The following FBXO31 variants were observed in gnomAD, a reference collection of about 807,000 sequenced individuals.
FBXO31 encodes the protein F-box protein 31, also known as F-box only protein 31.
Under a neutral mutation model 54.4 loss-of-function variants are expected in FBXO31, and 24 were observed. The observed-to-expected ratio is 0.44, with a 90% CI of 0.32 to 0.62. FBXO31 has a LOEUF of 0.62. FBXO31 is among the 20% of genes least tolerant of loss of function. The pLI, the probability that FBXO31 is intolerant of heterozygous loss-of-function variation, is 0.05. For synonymous variants in FBXO31, 388 were observed against 335.6 expected, an observed-to-expected ratio of 1.16 and a Z score of -1.71; for missense variants, 665 against 787.1, an observed-to-expected ratio of 0.84 and a Z score of 1.86.
At chr16:87,371,517 GCCAGGCAGGCCTGA>G (rs2150693128) in intron 1 of FBXO31, among the ~76,000 whole-genome samples, 1 of 152,378 alleles carries the variant, frequency 6.6e-6, no homozygotes, top group East Asian at 1.9e-4. Context: ...CTCCATTCAT[GCCAGGCAGGCCTGA>G]CGAGTCGTGG....
chr16:87,371,447 A>C (rs1567486011), intron 1 of FBXO31, among the ~76,000 whole-genome samples: 1 of 152,248 alleles, frequency 6.6e-6, no homozygotes, highest in Non-Finnish European at 1.5e-5. Flanking sequence ...CCCTTCTGTG[A>C]GTCTGACTCT....
At chr16:87,364,867 C>A (rs1333769002) in intron 1 of FBXO31, among the ~76,000 whole-genome samples, 1 of 150,482 alleles carries the variant, frequency 6.6e-6, no homozygotes, top group Non-Finnish European at 1.5e-5. Context: ...ACAAAGAATA[C>A]AATAATTAGC....
intron 1 of FBXO31, among the ~76,000 whole-genome samples, chr16:87,361,916 C>A (rs938072586): frequency 1.3e-5 from 2 of 152,244 alleles, no homozygotes; most frequent in African/African-American, 2.4e-5. Flanking sequence ...CCTGTGTCTC[C>A]TCTCAGTTGT....
chr16:87,372,389 A>T (rs114495999), intron 1 of FBXO31, among the ~76,000 whole-genome samples: 49 of 152,198 alleles, frequency 3.2e-4, no homozygotes, highest in African/African-American at 1.2e-3. Context: ...GGCTTTCCCC[A>T]CAGTGCTGAG....
rs139672294 is a variant in FBXO31, at chr16:87,345,383, G to A, written c.490-1618C>T. On this transcript the variant is annotated intron_variant, in intron 3 of 8. Coordinates refer to ENST00000311635, the MANE Select transcript of FBXO31 (RefSeq NM_024735.5). The surrounding 1 kb of genome is among the most constrained non-coding windows in gnomAD (Gnocchi z 4.9). ...AAGAGGGTGGGAGGGCGGACCGGAA[G>A]CCATGCAGACTCCATGCAGACACTG... 7.4e-3 allele frequency among the ~76,000 whole-genome samples: 1,131 copies of A among 152,022 alleles called. 19 individuals are homozygous for A. Among genetic ancestry groups the A allele is most frequent in the African/African-American group, 0.026 (1,066 of 41,438 alleles).
At chr16:87,363,252 T>C (rs9933972) in intron 1 of FBXO31, among the ~76,000 whole-genome samples, 75,053 of 151,860 alleles carry the variant, frequency 0.49, 20,334 homozygotes, top group East Asian at 1. Flanking sequence ...GGCATGGTGG[T>C]GCATGCCTGT....
At chr16:87,382,659 T>A (rs1486886974) in intron 1 of FBXO31, among the ~76,000 whole-genome samples, 1 of 152,180 alleles carries the variant, frequency 6.6e-6, no homozygotes, top group Non-Finnish European at 1.5e-5. Context: ...TGAGACCAAG[T>A]CGCACTCTGT....
In FBXO31 at chr16:87,371,868, C is replaced by T. The variant is rs376666657; in HGVS notation, c.341-11502G>A. 2.4e-4 allele frequency among the ~76,000 whole-genome samples: 37 copies of T among 152,190 alleles called. 1 individual carries two copies. The highest frequency in any genetic ancestry group is 6.8e-3 in the Middle Eastern group (2 of 292). ...GGGGAAACCTCGACTCAACACCTTC[C>T]GGGTGCCAGATTCACTTTTGTTTTT... On this transcript the variant is annotated intron_variant, in intron 1 of 8. Transcript: ENST00000311635.
At position 87,335,786 on chromosome 16, in the gene FBXO31, C is replaced by T. The variant is rs186336579; in HGVS notation, c.843-329G>A. Among the ~76,000 whole-genome samples, 1 of 152,254 alleles carries T rather than the reference C, an allele frequency of 6.6e-6. No individual in the cohort carries two copies. Among genetic ancestry groups the T allele is most frequent in the Non-Finnish European group, 1.5e-5 (1 of 67,990 alleles). On this transcript the variant is annotated intron_variant, in intron 6 of 8. Coordinates refer to ENST00000311635, the MANE Select transcript of FBXO31 (RefSeq NM_024735.5). This position sits in a 1 kb window ranked among gnomAD's most constrained non-coding sequence, Gnocchi z 5.7. Reference sequence around the variant, plus strand: ...GCCCAAGTCACCATGGAGGGGATCCCCGCACTGGGCTGAGCGGGGCTGAGC... The same window carrying T: ...GCCCAAGTCACCATGGAGGGGATCCTCGCACTGGGCTGAGCGGGGCTGAGC...
At chr16:87,371,854 G>A (rs1283890141) in intron 1 of FBXO31, among the ~76,000 whole-genome samples, 3 of 152,126 alleles carry the variant, frequency 2.0e-5, no homozygotes, top group Admixed American at 6.5e-5. Context: ...GGGAAACCTC[G>A]ACTCAACACC....
In FBXO31 at chr16:87,327,272, G is replaced by A. The variant is rs1235996050; in HGVS notation, c.*4016C>T. 6.6e-6 allele frequency: 1 copy of A among 152,662 alleles called. No homozygotes were observed. Among genetic ancestry groups the A allele is most frequent in the Admixed American group, 6.5e-5 (1 of 15,280 alleles). 9.5% of individuals were successfully genotyped at this position (152,662 alleles called of 1,614,324 possible). ...CCCTCGTGCTCTGGCTGGTCTCCCGGTCAGCAGCCCCTGAGGGCCGGCAGG... is the reference window on the plus strand; with the variant it reads ...CCCTCGTGCTCTGGCTGGTCTCCCGATCAGCAGCCCCTGAGGGCCGGCAGG... On this transcript the variant is annotated 3_prime_UTR_variant, in exon 9 of 9. Coordinates refer to ENST00000311635, the MANE Select transcript of FBXO31 (RefSeq NM_024735.5).
intron 2 of FBXO31, among the ~76,000 whole-genome samples, chr16:87,349,357 G>A (rs527767689): frequency 2.0e-5 from 3 of 152,304 alleles, no homozygotes; most frequent in African/African-American, 7.2e-5. Flanking sequence ...TGACACAACC[G>A]TGAAAGGCAG....
At position 87,358,967 on chromosome 16, in the gene FBXO31, G is replaced by C. The variant is rs536622020; in HGVS notation, c.412+1328C>G. On this transcript the variant is annotated intron_variant, in intron 2 of 8. Transcript: ENST00000311635. This position sits in a 1 kb window ranked among gnomAD's most constrained non-coding sequence, Gnocchi z 4.0. Reference sequence around the variant, plus strand: ...GCCAGCCTCGTCACAGGTCATCCAAGGTTGCCCAACTACACCACCCGTTTC... The same window carrying C: ...GCCAGCCTCGTCACAGGTCATCCAACGTTGCCCAACTACACCACCCGTTTC... 1.3e-4 allele frequency among the ~76,000 whole-genome samples: 20 copies of C among 152,298 alleles called. No individual in the cohort carries two copies. The highest frequency in any genetic ancestry group is 2.4e-4 in the Non-Finnish European group (16 of 68,032).
Position 87,383,772 on chromosome 16 carries a change from C to A in FBXO31, c.-28G>T. The A allele has an allele frequency of 1.7e-6, 2 of 1,184,044 alleles. No individual in the cohort carries two copies. Among genetic ancestry groups the A allele is most frequent in the Non-Finnish European group, 2.1e-6 (2 of 958,294 alleles). The allele number at this position is 1,184,044 out of a possible 1,614,324, so 73.3% of individuals were successfully genotyped here. ...CGCCCAGTGACGGCCACTGCTGCCGCCTGTGCGCACGCTCCAGCGCGGCCC... is the reference window on the plus strand; with the variant it reads ...CGCCCAGTGACGGCCACTGCTGCCGACTGTGCGCACGCTCCAGCGCGGCCC... On this transcript the variant is annotated 5_prime_UTR_variant, in exon 1 of 9. Coordinates refer to ENST00000311635, the MANE Select transcript of FBXO31 (RefSeq NM_024735.5). This position sits in a 1 kb window ranked among gnomAD's most constrained non-coding sequence, Gnocchi z 4.9.
chr16:87,383,526 C>G lies in FBXO31; in HGVS notation c.219G>C (p.Glu73Asp). Residue 73 changes from glutamate to aspartate, a missense_variant, in exon 1 of 9, where the codon GAG becomes GAC. Glu to Asp is a conservative substitution (Grantham distance 45, BLOSUM62 2). This residue lies in a region of FBXO31 where 195 missense variants were observed against 174.8 expected (regional missense o/e 1.12). Transcript: ENST00000311635. The surrounding 1 kb of genome is among the most constrained non-coding windows in gnomAD (Gnocchi z 4.9). The part of the protein sequence containing the change: ...PRCSLLELPP[E>D]LLVEIFASLP... ...GCGACGCGAAGATCTCCACCAGCAG[C>G]TCGGGCGGCAGCTCCAGCAGCGAGC... is the stretch of plus-strand genomic sequence containing the variant. The G allele has an allele frequency of 6.3e-7, 1 of 1,581,908 alleles. No homozygotes were observed. The highest frequency in any genetic ancestry group is 1.4e-5 in the African/African-American group (1 of 71,720).
Position 87,335,377 on chromosome 16 carries a change from G to A in FBXO31, c.923C>T (p.Thr308Ile). Residue 308 changes from threonine to isoleucine, a missense_variant, in exon 7 of 9, where the codon ACC (threonine) becomes ATC (isoleucine). Around this residue, in one of 4 missense-constraint regions of FBXO31, gnomAD observed 234 missense variants for 346.8 expected, o/e 0.67. Coordinates refer to ENST00000311635, the MANE Select transcript of FBXO31 (RefSeq NM_024735.5). This position sits in a 1 kb window ranked among gnomAD's most constrained non-coding sequence, Gnocchi z 5.7. ...AATCTCCAGGCCGTGGCTGCCATAG[G>A]TACCTTTGAAGAGGCCAGGCTTGAT... ...DLIKPGLFKG[T>I]YGSHGLEIVM... is the part of the protein sequence containing the mutation. The A allele has an allele frequency of 6.2e-7, 1 of 1,614,052 alleles. No individual in the cohort carries two copies. The highest frequency in any genetic ancestry group is 8.5e-7 in the Non-Finnish European group (1 of 1,180,004).
chr16:87,382,847 G>T (rs550435279), intron 1 of FBXO31, among the ~76,000 whole-genome samples: 1 of 152,236 alleles, frequency 6.6e-6, no homozygotes, highest in African/African-American at 2.4e-5. Flanking sequence ...TCTTCACCAG[G>T]CTGGTCTCGA....
intron 1 of FBXO31, among the ~76,000 whole-genome samples, chr16:87,365,802 CA>C (rs1302394408): frequency 6.6e-6 from 1 of 152,066 alleles, no homozygotes; most frequent in Non-Finnish European, 1.5e-5. Context: ...GGAGGCCAGG[CA>C]AATCACTTGA....
At position 87,331,040 on chromosome 16, in the gene FBXO31, G is replaced by A; in HGVS notation, c.*248C>T. 1 of 482,752 alleles carries A rather than the reference G, an allele frequency of 2.1e-6. No homozygotes were observed. The highest frequency in any genetic ancestry group is 3.8e-6 in the Non-Finnish European group (1 of 265,384). The allele number at this position is 482,752 out of a possible 1,614,324, so 29.9% of individuals were successfully genotyped here. ...CCCACGGCTGTCCCCTACATCTGCT[G>A]TATTCAGGCTCGTTCTCTCTGTTTT... On this transcript the variant is annotated 3_prime_UTR_variant, in exon 9 of 9. Coordinates refer to ENST00000311635, the MANE Select transcript of FBXO31 (RefSeq NM_024735.5).
Sources: gnomAD v4.1 joint callset for allele counts (sites outside exome capture counted in the v4.1 genomes callset) on GRCh38, gnomAD v4.1.1 for gene constraint, gnomAD v4.1.1 regional missense constraint, Gnocchi (gnomAD v3.1) non-coding constraint, MANE v1.5 for transcripts, NCBI Gene and HGNC (gene_info 2026-07-23, HGNC 2026-07-21) for gene names.